The following TSNAXIP1 variants were observed in gnomAD, a reference collection of about 807,000 sequenced individuals.
TSNAXIP1 encodes translin associated factor X interacting protein 1.
In TSNAXIP1, 89 loss-of-function variants were observed where a neutral mutation model predicts 84.8. The observed-to-expected ratio is 1.05, with a 90% CI of 0.88 to 1.25. The LOEUF (loss-of-function observed/expected upper bound fraction) is 1.25, where lower values mean the gene tolerates loss of function less well. Ranked by LOEUF, TSNAXIP1 falls within the 50% of genes most tolerant of loss-of-function variation. The probability of loss-of-function intolerance (pLI) is 0.00; values close to 1 mark genes in which losing one functional copy is unlikely to be tolerated. For missense variants in TSNAXIP1, 874 were observed against 887.6 expected (o/e 0.98, Z 0.20); for synonymous variants, 347 against 335.2 (o/e 1.04, Z -0.39).
At chr16:67,812,531 T>A (rs763115432) in intron 1 of TSNAXIP1, among the ~76,000 whole-genome samples, 7 of 151,272 alleles carry the variant, frequency 4.6e-5, no homozygotes, top group Non-Finnish European at 8.8e-5. Flanking sequence ...CCAGGCACGG[T>A]AGCGTGCACC....
chr16:67,815,931 C>G (rs1409138990), intron 2 of TSNAXIP1, among the ~76,000 whole-genome samples: 1 of 151,144 alleles, frequency 6.6e-6, no homozygotes, highest in East Asian at 1.9e-4. Flanking sequence ...TCCTGAGTAG[C>G]TGGGATTACA....
intron 4 of TSNAXIP1, among the ~76,000 whole-genome samples, chr16:67,823,228 T>G (rs1462334199): frequency 6.6e-6 from 1 of 152,112 alleles, no homozygotes; most frequent in African/African-American, 2.4e-5. Context: ...AGCCTCATGC[T>G]GGAATACTGC....
At position 67,826,149 on chromosome 16, in the gene TSNAXIP1, C is replaced by T; in HGVS notation, c.1145-3C>T. On this transcript the variant is annotated splice_region_variant and splice_polypyrimidine_tract_variant and intron_variant, in intron 9 of 15. Coordinates refer to ENST00000561639, the MANE Select transcript of TSNAXIP1 (RefSeq NM_001288990.3). ...GACTCCAGCTCCCTCTCCCCACATG[C>T]AGATGTGGTGGCTGGGGGCCCAGAG... 1 of 1,613,174 alleles carries T rather than the reference C, an allele frequency of 6.2e-7. No individual in the cohort carries two copies. The highest frequency in any genetic ancestry group is 8.5e-7 in the Non-Finnish European group (1 of 1,179,446).
At chr16:67,813,572 A>C (rs927480417) in intron 1 of TSNAXIP1, among the ~76,000 whole-genome samples, 1 of 151,662 alleles carries the variant, frequency 6.6e-6, no homozygotes, top group Admixed American at 6.6e-5. Context: ...GTCTCTACTG[A>C]AAATACAAAA....
intron 1 of TSNAXIP1, among the ~76,000 whole-genome samples, chr16:67,810,613 C>T (rs1247232287): frequency 6.6e-6 from 1 of 151,576 alleles, no homozygotes; most frequent in East Asian, 1.9e-4. Context: ...AGCCAGATTA[C>T]GTCTTAAAAA....
rs988363400 is a variant in TSNAXIP1, at chr16:67,827,487, G to A, written c.1806G>A (p.Gln602=). 2 of 1,614,210 alleles carry A rather than the reference G, an allele frequency of 1.2e-6. No individual in the cohort carries two copies. Among genetic ancestry groups the A allele is most frequent in the Non-Finnish European group, 1.7e-6 (2 of 1,180,036 alleles). ...RSLFMEDEEG[Q]SEPFVQKLWE... ...GCCCCTCCCAGGATGAGGAGGGCCA[G>A]AGTGAGCCCTTTGTGCAAAAACTCT... Residue 602 remains glutamine, a synonymous_variant, in exon 15 of 16, where the codon CAG becomes CAA. Transcript: ENST00000561639.
chr16:67,824,086 C>T (rs2057270174), intron 5 of TSNAXIP1, among the ~76,000 whole-genome samples: 1 of 151,538 alleles, frequency 6.6e-6, no homozygotes, highest in Non-Finnish European at 1.5e-5. Context: ...GGAGAAGATC[C>T]TATTCGACCT....
At chr16:67,814,504 C>T in intron 2 of TSNAXIP1, 103 bp downstream of exon 2, 1 of 917,404 alleles carries the variant, frequency 1.1e-6, no homozygotes, top group Non-Finnish European at 1.7e-6. Flanking sequence ...ACATGCCCAC[C>T]TGAAACATGC....
Position 67,824,776 on chromosome 16 carries a change from C to A in TSNAXIP1, c.675C>A (p.Ser225Arg). The stretch of plus-strand genomic sequence containing the variant: ...ATGAGGAGAAGATTTCATTGCAGAG[C>A]GAGGTGAATGGAAGTGGTGTGATGA... ...KKNEEKISLQ[S>R]EVTKLRKNLA... Residue 225 changes from serine (S) to arginine (R), a missense_variant, in exon 6 of 16, where the codon AGC (serine) becomes AGA (arginine). Transcript: ENST00000561639. 1 of 1,613,304 alleles carries A rather than the reference C, an allele frequency of 6.2e-7. No individual in the cohort carries two copies. The highest frequency in any genetic ancestry group is 8.5e-7 in the Non-Finnish European group (1 of 1,179,482).
intron 2 of TSNAXIP1, among the ~76,000 whole-genome samples, chr16:67,818,045 C>T (rs1035088954): frequency 4.6e-5 from 7 of 150,992 alleles, no homozygotes; most frequent in Non-Finnish European, 1.0e-4. Context: ...CCCATCTCTA[C>T]TAAAAATACA....
chr16:67,807,787 C>T, intron 1 of TSNAXIP1: 1 of 192,620 alleles, frequency 5.2e-6, no homozygotes, highest in South Asian at 7.5e-5. Flanking sequence ...GCCTACGTAC[C>T]ATATTTAATC....
Position 67,827,824 on chromosome 16 carries a change from C to T in TSNAXIP1, c.1970C>T (p.Thr657Ile). 3 of 1,614,160 alleles carry T rather than the reference C, an allele frequency of 1.9e-6. No individual in the cohort carries two copies. The highest frequency in any genetic ancestry group is 2.5e-6 in the Non-Finnish European group (3 of 1,180,022). ...ATCGACCCCAGCCTGGACAAGCAGA[C>T]AGTGAACACCTACATGAGCCAGGCC... Reference protein sequence around the residue: ...MTIDPSLDKQTVNTYMSQAFQ... With the variant: ...MTIDPSLDKQIVNTYMSQAFQ... Residue 657 changes from threonine to isoleucine, a missense_variant, in exon 16 of 16, where the codon ACA becomes ATA. Physicochemically the swap from Thr to Ile is moderately conservative, Grantham distance 89 (BLOSUM62 -1). Transcript: ENST00000561639.
At chr16:67,811,718 A>C (rs2056102081) in intron 1 of TSNAXIP1, among the ~76,000 whole-genome samples, 1 of 152,096 alleles carries the variant, frequency 6.6e-6, no homozygotes, top group African/African-American at 2.4e-5. Context: ...CTGGGATTAC[A>C]GGCTTGAGCC....
intron 2 of TSNAXIP1, among the ~76,000 whole-genome samples, chr16:67,817,195 G>T (rs1425301734): frequency 6.6e-6 from 1 of 151,728 alleles, no homozygotes; most frequent in Non-Finnish European, 1.5e-5. Context: ...TGTCGCCCAG[G>T]CTGGAGTGCA....
rs770985287 is a variant in TSNAXIP1, at chr16:67,825,769, T to A, written c.917T>A (p.Phe306Tyr). ...GAACTCAACAACATGAAGGCCAACTTTGGAGATGTGGTCCCCAGGAGGGAC... is the reference window on the plus strand; with the variant it reads ...GAACTCAACAACATGAAGGCCAACTATGGAGATGTGGTCCCCAGGAGGGAC... ...QMELNNMKAN[F>Y]GDVVPRRDFE... Residue 306 changes from phenylalanine (F) to tyrosine (Y), a missense_variant, in exon 8 of 16, where the codon TTT becomes TAT. Phe to Tyr is a conservative substitution (Grantham distance 22). Coordinates refer to ENST00000561639, the MANE Select transcript of TSNAXIP1 (RefSeq NM_001288990.3). The A allele has an allele frequency of 3.1e-6, 5 of 1,613,894 alleles. No homozygotes were observed. The highest frequency in any genetic ancestry group is 4.2e-6 in the Non-Finnish European group (5 of 1,179,944).
chr16:67,827,165 C>G (rs529836228), intron 13 of TSNAXIP1, 84 bp from the exon 14 acceptor site: 4 of 1,605,884 alleles, frequency 2.5e-6, no homozygotes, highest in South Asian at 2.2e-5. Context: ...GCCACAGCCT[C>G]GGCACTCACT....
At chr16:67,814,486 C>T in intron 2 of TSNAXIP1, 85 bp downstream of exon 2, 6 of 1,084,868 alleles carry the variant, frequency 5.5e-6, no homozygotes, top group Non-Finnish European at 8.0e-6. Flanking sequence ...GAGTACCACC[C>T]ACCTGAAACA....
rs1224908550 is a variant in TSNAXIP1 at position 67,814,402 on chromosome 16, G to A, written c.147+1G>A. 2 of 1,535,640 alleles carry A rather than the reference G, an allele frequency of 1.3e-6. No homozygotes were observed. The highest frequency in any genetic ancestry group is 1.2e-5 in the South Asian group (1 of 84,048). On this transcript the variant is annotated splice_donor_variant, in intron 2 of 15. Transcript: ENST00000561639. LOFTEE classifies it high-confidence loss of function. ...GCTTCTTCAGAAACGAAGGACGCTGGTTAGTGACAATGTTGTTTTGGAACC... is the reference window on the plus strand; with the variant it reads ...GCTTCTTCAGAAACGAAGGACGCTGATTAGTGACAATGTTGTTTTGGAACC...
chr16:67,814,276 C>T, intron 1 of TSNAXIP1, 26 bp from the exon 2 acceptor site: 1 of 1,507,704 alleles, frequency 6.6e-7, no homozygotes, highest in South Asian at 1.2e-5. Flanking sequence ...CTGTCACCCA[C>T]CATCAGCTTT....
Sources: allele counts gnomAD v4.1 joint callset (sites outside exome capture counted in the v4.1 genomes callset), GRCh38; gene constraint gnomAD v4.1.1; transcripts MANE v1.5; gene names NCBI Gene and HGNC (gene_info 2026-07-23, HGNC 2026-07-21).